DLGAP4: variants seen among roughly 807,000 people sequenced by gnomAD.
DLGAP4 encodes the protein DLG associated protein 4.
Under a neutral mutation model 86.9 loss-of-function variants are expected in DLGAP4, and 18 were observed. That is an observed-to-expected ratio of 0.21 (90% confidence interval 0.14 to 0.31). The LOEUF is 0.31. Among genes scored for constraint, DLGAP4 ranks in the 10% least tolerant of loss-of-function variants. DLGAP4 has a pLI of 1.00. For missense variants in DLGAP4, 1,085 were observed against 1,362.6 expected (o/e 0.80, Z 3.21); for synonymous variants, 548 against 574.3 (o/e 0.95, Z 0.65).
intron 5 of DLGAP4, 69 bp downstream of exon 5, chr20:36,439,937 A>ACGCC: frequency 1.5e-6 from 2 of 1,366,784 alleles, no homozygotes; most frequent in Non-Finnish European, 2.0e-6. Flanking sequence ...AGGAGGACAC[A>ACGCC]CGCCCAGGCC....
At chr20:36,489,681 G>C (rs775445011) in intron 7 of DLGAP4, among the ~76,000 whole-genome samples, 28 of 151,902 alleles carry the variant, frequency 1.8e-4, no homozygotes, top group Non-Finnish European at 3.5e-4. Flanking sequence ...GGGCATCTGT[G>C]GTAGTCTCAG....
At chr20:36,356,057 T>G (rs1447974899) in intron 1 of DLGAP4, among the ~76,000 whole-genome samples, 1 of 152,260 alleles carries the variant, frequency 6.6e-6, no homozygotes, top group Non-Finnish European at 1.5e-5. Flanking sequence ...CTCTTAGGAC[T>G]GGCGCTGGAA....
At chr20:36,317,169 C>T (rs905785620) in intron 1 of DLGAP4, among the ~76,000 whole-genome samples, 3 of 151,868 alleles carry the variant, frequency 2.0e-5, no homozygotes, top group South Asian at 4.1e-4. Context: ...CCTTTCTCTC[C>T]TTCCTTCCTT....
chr20:36,504,990 C>CTTTTTTTTTTTT (rs757067668), intron 10 of DLGAP4, among the ~76,000 whole-genome samples: 43 of 140,240 alleles, frequency 3.1e-4, no homozygotes, highest in African/African-American at 1.1e-3. Context: ...CACACAGGTT[C>CTTTTTTTTTTTT]TTTTTTTTTT....
At chr20:36,526,129 C>G in intron 12 of DLGAP4, 123 bp downstream of exon 12, 1 of 1,392,658 alleles carries the variant, frequency 7.2e-7, no homozygotes, top group Non-Finnish European at 1.0e-6. Context: ...GCTGGGGTCT[C>G]ACATCCATCA....
At chr20:36,323,683 C>T (rs1249560357) in intron 1 of DLGAP4, among the ~76,000 whole-genome samples, 1 of 152,146 alleles carries the variant, frequency 6.6e-6, no homozygotes, top group African/African-American at 2.4e-5. Context: ...AGCAGGGATC[C>T]CCAACCTTTT....
intron 7 of DLGAP4, among the ~76,000 whole-genome samples, chr20:36,458,755 C>T (rs2033948215): frequency 6.6e-6 from 1 of 151,948 alleles, no homozygotes; most frequent in African/African-American, 2.4e-5. Flanking sequence ...TGCATGGAGC[C>T]ACGTTTGAGG....
intron 10 of DLGAP4, among the ~76,000 whole-genome samples, chr20:36,505,861 G>A (rs777180748): frequency 2.0e-5 from 3 of 152,096 alleles, no homozygotes; most frequent in Non-Finnish European, 2.9e-5. Flanking sequence ...CTTCCTCCTT[G>A]TCTCCACATT....
chr20:36,463,640 G>A (rs1445030720), intron 7 of DLGAP4, among the ~76,000 whole-genome samples: 1 of 152,240 alleles, frequency 6.6e-6, no homozygotes, highest in East Asian at 1.9e-4. Context: ...TGTGCAGGGG[G>A]ACAGTTGGAT....
At chr20:36,351,475 G>T (rs2030152476) in intron 1 of DLGAP4, among the ~76,000 whole-genome samples, 1 of 151,904 alleles carries the variant, frequency 6.6e-6, no homozygotes, top group Non-Finnish European at 1.5e-5. Flanking sequence ...AATATCTGAT[G>T]ATCTGTCAGT....
At chr20:36,369,994 C>G (rs1300897863) in intron 2 of DLGAP4, among the ~76,000 whole-genome samples, 2 of 152,042 alleles carry the variant, frequency 1.3e-5, no homozygotes, top group Non-Finnish European at 2.9e-5. Flanking sequence ...AGATGAGAAA[C>G]CAGACAGACT....
At chr20:36,483,075 G>A (rs941617051) in intron 7 of DLGAP4, among the ~76,000 whole-genome samples, 1 of 152,202 alleles carries the variant, frequency 6.6e-6, no homozygotes, top group Non-Finnish European at 1.5e-5. Flanking sequence ...ATGGTAATAA[G>A]GTGTCCAGGG....
intron 7 of DLGAP4, among the ~76,000 whole-genome samples, chr20:36,495,014 C>T (rs1026481535): frequency 1.8e-4 from 10 of 56,286 alleles, no homozygotes; most frequent in Admixed American, 8.4e-4. Flanking sequence ...TTTTTTGAGA[C>T]GGAATTTCGC....
Position 36,423,153 on chromosome 20 carries a change from T to C in DLGAP4, c.-72-8493T>C, listed in dbSNP as rs142709903. On this transcript the variant is annotated intron_variant, in intron 2 of 12. Transcript: ENST00000339266. Reference sequence around the variant, plus strand: ...CCAGTACGAGGTCACAGCAAATAAATAGCAGGTTTAGAATTTAAATCCAAG... The same window carrying C: ...CCAGTACGAGGTCACAGCAAATAAACAGCAGGTTTAGAATTTAAATCCAAG... Among the ~76,000 whole-genome samples, 877 of 152,182 alleles carry C rather than the reference T, an allele frequency of 5.8e-3. 9 individuals are homozygous for C. The highest frequency in any genetic ancestry group is 0.02 in the African/African-American group (830 of 41,526).
chr20:36,510,610 C>T (rs971934603), intron 10 of DLGAP4, among the ~76,000 whole-genome samples: 4 of 151,688 alleles, frequency 2.6e-5, no homozygotes, highest in African/African-American at 7.3e-5. Context: ...GGGGTTTCAC[C>T]GTGTTGGCCA....
chr20:36,417,007 C>G (rs913746658), intron 2 of DLGAP4, among the ~76,000 whole-genome samples: 1 of 152,130 alleles, frequency 6.6e-6, no homozygotes, highest in South Asian at 2.1e-4. Context: ...GAAACAGGTG[C>G]GGTCCCTCCC....
chr20:36,414,791 G>C (rs1384331340), intron 2 of DLGAP4, among the ~76,000 whole-genome samples: 1 of 152,242 alleles, frequency 6.6e-6, no homozygotes, highest in African/African-American at 2.4e-5. Flanking sequence ...CTAGCCATTT[G>C]TGGCCACTGG....
At chr20:36,330,806 T>C (rs1049500501) in intron 1 of DLGAP4, among the ~76,000 whole-genome samples, 9 of 152,142 alleles carry the variant, frequency 5.9e-5, no homozygotes, top group African/African-American at 1.7e-4. Context: ...TCTCTTGACC[T>C]TGTGATTCTG....
chr20:36,412,602 G>T (rs1447561980), intron 2 of DLGAP4, among the ~76,000 whole-genome samples: 1 of 152,142 alleles, frequency 6.6e-6, no homozygotes, highest in Non-Finnish European at 1.5e-5. Flanking sequence ...CTATAGAACG[G>T]GACCAACAAT....
Sources: gnomAD v4.1 joint callset for allele counts (sites outside exome capture counted in the v4.1 genomes callset) on GRCh38, gnomAD v4.1.1 for gene constraint, MANE v1.5 for transcripts, NCBI Gene and HGNC (gene_info 2026-07-23, HGNC 2026-07-21) for gene names.